The following MAML2 variants were observed in gnomAD, a reference collection of about 807,000 sequenced individuals.
MAML2 encodes the protein mastermind like transcriptional coactivator 2.
A neutral mutation model predicts 96.1 loss-of-function variants in MAML2; 22 were observed. The ratio of observed to expected loss-of-function variants is 0.23; its 90% CI spans 0.16 to 0.33. MAML2 has a LOEUF of 0.33. Ranked by LOEUF, MAML2 falls within the 10% of genes least tolerant of loss-of-function variation. The pLI is 1.00. For missense variants in MAML2, 1,367 were observed against 1,392.4 expected (o/e 0.98, Z 0.29); for synonymous variants, 561 against 521.3 (o/e 1.08, Z -1.04).
At chr11:96,154,981 G>C (rs1168452588) in intron 1 of MAML2, among the ~76,000 whole-genome samples, 1 of 152,102 alleles carries the variant, frequency 6.6e-6, no homozygotes, top group Non-Finnish European at 1.5e-5. Flanking sequence ...ACGTGTGCTG[G>C]GTCCTGATCC....
At chr11:96,228,085 A>G (rs1196575999) in intron 1 of MAML2, among the ~76,000 whole-genome samples, 2 of 152,150 alleles carry the variant, frequency 1.3e-5, no homozygotes, top group East Asian at 3.9e-4. Flanking sequence ...CTGGGGGGAG[A>G]AAAAGGGAAC....
chr11:96,240,616 A>G (rs1364264704), intron 1 of MAML2, among the ~76,000 whole-genome samples: 1 of 147,136 alleles, frequency 6.8e-6, no homozygotes, highest in Non-Finnish European at 1.5e-5. Context: ...TCAGTGTTAT[A>G]TATTTAGTGG....
chr11:96,210,065 C>T (rs1001509740), intron 1 of MAML2, among the ~76,000 whole-genome samples: 2 of 152,064 alleles, frequency 1.3e-5, no homozygotes, highest in Non-Finnish European at 2.9e-5. Context: ...CTTTTGTTCT[C>T]AATAATGACT....
At chr11:96,052,103 A>G (rs763883307) in intron 2 of MAML2, among the ~76,000 whole-genome samples, 8 of 152,216 alleles carry the variant, frequency 5.3e-5, no homozygotes, top group East Asian at 3.8e-4. Flanking sequence ...GCTACAAACT[A>G]TCAGAAAGTC....
At position 96,186,709 on chromosome 11, in the gene MAML2, C is replaced by T. The variant is rs116409342; in HGVS notation, c.514-93192G>A. ...CACAACTCCACTATGTAGGAAGTAG[C>T]ATTATCCTCATTTTACAGATGAGAA... On this transcript the variant is annotated intron_variant, in intron 1 of 4. Transcript: ENST00000524717. Among the ~76,000 whole-genome samples, 733 of 152,318 alleles carry T rather than the reference C, an allele frequency of 4.8e-3. 12 individuals carry two copies. The highest frequency in any genetic ancestry group is 0.015 in the African/African-American group (644 of 41,574).
intron 1 of MAML2, among the ~76,000 whole-genome samples, chr11:96,241,775 GGTTT>G (rs1216269682): frequency 2.0e-5 from 3 of 152,094 alleles, no homozygotes; most frequent in Non-Finnish European, 4.4e-5. Flanking sequence ...ATGGGCCCTT[GGTTT>G]GTTTTAGGTT....
At chr11:96,034,074 C>T (rs1243806990) in intron 2 of MAML2, among the ~76,000 whole-genome samples, 3 of 152,144 alleles carry the variant, frequency 2.0e-5, no homozygotes, top group Non-Finnish European at 2.9e-5. Flanking sequence ...GAAAGAACAA[C>T]GTTCCTTATA....
At chr11:96,237,580 A>C (rs1765853610) in intron 1 of MAML2, among the ~76,000 whole-genome samples, 1 of 152,254 alleles carries the variant, frequency 6.6e-6, no homozygotes, top group Admixed American at 6.5e-5. Context: ...CATAGTGGAC[A>C]TCCAAAAAAT....
chr11:96,310,173 A>G (rs970619108), intron 1 of MAML2, among the ~76,000 whole-genome samples: 7 of 152,236 alleles, frequency 4.6e-5, no homozygotes, highest in Admixed American at 1.3e-4. Flanking sequence ...GAGAACTGAT[A>G]TGCAAAGAAG....
intron 1 of MAML2, among the ~76,000 whole-genome samples, chr11:96,304,764 A>G (rs1863441478): frequency 6.6e-6 from 1 of 152,218 alleles, no homozygotes; most frequent in African/African-American, 2.4e-5. Flanking sequence ...AGTGCTCCAG[A>G]AACATAGCCC....
Position 96,314,577 on chromosome 11 carries a change from C to A in MAML2, c.513+26806G>T, listed in dbSNP as rs190127233. Among the ~76,000 whole-genome samples, 4 of 152,310 alleles carry A rather than the reference C, an allele frequency of 2.6e-5. No homozygotes were observed. In the East Asian group the frequency reaches 7.7e-4, roughly 29 times the overall value. ...TAAGCATTTTACACGGTGGCATTGC[C>A]ACCTCCTTCTCTTTGTTTCAACTCC... On this transcript the variant is annotated intron_variant, in intron 1 of 4. Transcript: ENST00000524717.
chr11:96,306,836 T>G (rs1464732724), intron 1 of MAML2, among the ~76,000 whole-genome samples: 1 of 152,206 alleles, frequency 6.6e-6, no homozygotes, highest in Non-Finnish European at 1.5e-5. Context: ...CAGAAACATT[T>G]TTGTTTTGCT....
chr11:96,036,997 G>C (rs1158596285), intron 2 of MAML2, among the ~76,000 whole-genome samples: 2 of 152,154 alleles, frequency 1.3e-5, no homozygotes, highest in Admixed American at 1.3e-4. Context: ...GATCCATCTT[G>C]GAAATTTGAT....
intron 1 of MAML2, among the ~76,000 whole-genome samples, chr11:96,188,498 G>T (rs1342196206): frequency 6.6e-6 from 1 of 152,142 alleles, no homozygotes; most frequent in Non-Finnish European, 1.5e-5. Flanking sequence ...ATGGCTTGGG[G>T]GTCCCACAAG....
chr11:96,262,248 C>T (rs907800736), intron 1 of MAML2, among the ~76,000 whole-genome samples: 3 of 152,178 alleles, frequency 2.0e-5, no homozygotes, highest in Non-Finnish European at 4.4e-5. Flanking sequence ...AGTTCAGTCA[C>T]AGATTCAGTT....
Position 96,043,678 on chromosome 11 carries a change from G to A in MAML2, c.2139+48214C>T, listed in dbSNP as rs543944809. On this transcript the variant is annotated intron_variant, in intron 2 of 4. Coordinates refer to ENST00000524717, the MANE Select transcript of MAML2 (RefSeq NM_032427.4). ...AACTAAATGGATGATAGAATGTCTG[G>A]TTGAATAATTCAACTATAACAAAAT... 6.6e-5 allele frequency among the ~76,000 whole-genome samples: 10 copies of A among 152,366 alleles called. No individual in the cohort carries two copies. The East Asian group carries it at 1.4e-3, about 21-fold the overall frequency.
chr11:96,035,175 C>G (rs1052802098), intron 2 of MAML2, among the ~76,000 whole-genome samples: 2 of 152,136 alleles, frequency 1.3e-5, no homozygotes, highest in Non-Finnish European at 2.9e-5. Context: ...GTGTGGTACC[C>G]TTTAGAAAGG....
At chr11:96,225,630 A>T (rs1413971108) in intron 1 of MAML2, among the ~76,000 whole-genome samples, 1 of 152,106 alleles carries the variant, frequency 6.6e-6, no homozygotes, top group African/African-American at 2.4e-5. Flanking sequence ...TCACAAGTTC[A>T]AGACCAGCCT....
At chr11:96,055,562 C>T (rs1039304526) in intron 2 of MAML2, among the ~76,000 whole-genome samples, 7 of 152,178 alleles carry the variant, frequency 4.6e-5, no homozygotes, top group South Asian at 2.1e-4. Flanking sequence ...TGACTTCTAA[C>T]GTTTAATGAC....
Sources: gnomAD v4.1 joint callset for allele counts (sites outside exome capture counted in the v4.1 genomes callset) on GRCh38, gnomAD v4.1.1 for gene constraint, MANE v1.5 for transcripts, NCBI Gene and HGNC (gene_info 2026-07-23, HGNC 2026-07-21) for gene names.